Variants in TSHR observed in about 807,000 individuals in gnomAD.
TSHR encodes thyroid stimulating hormone receptor, also known as thyrotropin receptor.
Under a neutral mutation model 64.1 loss-of-function variants are expected in TSHR, and 51 were observed. That is an observed-to-expected ratio of 0.80 (90% CI 0.64 to 1.01). TSHR has a LOEUF of 1.01. Among genes scored for constraint, TSHR ranks in the 50% least tolerant of loss-of-function variants. The pLI is 0.00. For missense variants in TSHR, 877 were observed against 942.8 expected (o/e 0.93, Z 0.91); for synonymous variants, 361 against 361.9 (o/e 1.00, Z 0.03).
Position 81,143,573 on chromosome 14 carries a change from C to T in TSHR, c.1515C>T (p.Ser505=), listed in dbSNP as rs774078708. 36 of 1,613,122 alleles carry T rather than the reference C, an allele frequency of 2.2e-5. No individual in the cohort carries two copies. Among genetic ancestry groups the T allele is most frequent in the East Asian group, 6.7e-5 (3 of 44,894 alleles). ...CTGGTTTCTTCACTGTCTTTGCAAG[C>T]GAGTTATCGGTGTATACGCTGACGG... is the stretch of plus-strand genomic sequence containing the variant. ...NTAGFFTVFA[S]ELSVYTLTVI... The change falls in exon 10 of 10, where the codon AGC becomes AGT. Residue 505 remains serine, a synonymous_variant. Transcript: ENST00000298171.
chr14:81,083,586 T>C (rs1396395253), intron 3 of TSHR, among the ~76,000 whole-genome samples: 2 of 152,184 alleles, frequency 1.3e-5, no homozygotes, highest in Non-Finnish European at 2.9e-5. Flanking sequence ...CTCCATAGTT[T>C]TGTCTGCAAA....
intron 8 of TSHR, among the ~76,000 whole-genome samples, chr14:81,113,266 A>C (rs1241740631): frequency 6.6e-6 from 1 of 152,242 alleles, no homozygotes; most frequent in Non-Finnish European, 1.5e-5. Context: ...ATGCTGATGG[A>C]TCGGATATAG....
chr14:80,966,586 A>T lies in TSHR; in HGVS notation c.170+10736A>T, dbSNP rs114439301. Among the ~76,000 whole-genome samples the T allele has an allele frequency of 5.7e-3, 866 of 152,310 alleles. 5 individuals carry two copies. The highest frequency in any genetic ancestry group is 0.018 in the African/African-American group (765 of 41,570). ...TCATAACAGGAGAAAATAGCAAAAA[A>T]AAAAATAAAAATTTAAAAATTTAAA... On this transcript the variant is annotated intron_variant, in intron 1 of 9. Coordinates refer to ENST00000298171, the MANE Select transcript of TSHR (RefSeq NM_000369.5).
rs908008966 is a variant in TSHR, at chr14:81,068,531, G to T, written c.317+203G>T. ...CTCAATTCCATGGTTGGAAGTTAAA[G>T]ACAACATTAAAAGTTCTGTTCTTGA... On this transcript the variant is annotated intron_variant, in intron 3 of 9. Transcript: ENST00000298171. 1.8e-5 allele frequency: 10 copies of T among 559,238 alleles called. No individual in the cohort carries two copies. In the African/African-American group the frequency reaches 1.9e-4, roughly 11 times the overall value. The allele number at this position is 559,238 out of a possible 1,614,324, so 34.6% of individuals were successfully genotyped here.
rs183963997 is a variant in TSHR, at chr14:81,114,202, C to T, written c.692+5750C>T. 4.4e-3 allele frequency among the ~76,000 whole-genome samples: 676 copies of T among 151,994 alleles called. 5 individuals carry two copies. Among genetic ancestry groups the T allele is most frequent in the African/African-American group, 0.015 (640 of 41,456 alleles). On this transcript the variant is annotated intron_variant, in intron 8 of 9. Coordinates refer to ENST00000298171, the MANE Select transcript of TSHR (RefSeq NM_000369.5). Reference sequence around the variant, plus strand: ...CAAGATGGCCGAATAGGAACAGCTCCGGTCTACAGCTCCCAGCGTCAGCGA... The same window carrying T: ...CAAGATGGCCGAATAGGAACAGCTCTGGTCTACAGCTCCCAGCGTCAGCGA...
chr14:81,071,582 AG>A (rs1887071244), intron 3 of TSHR, among the ~76,000 whole-genome samples: 1 of 152,100 alleles, frequency 6.6e-6, no homozygotes, highest in Admixed American at 6.6e-5. Context: ...TGGACAACAT[AG>A]TGAGATCTTG....
chr14:81,134,992 G>A (rs1023966678), intron 8 of TSHR, among the ~76,000 whole-genome samples: 14 of 152,142 alleles, frequency 9.2e-5, no homozygotes, highest in African/African-American at 2.9e-4. Flanking sequence ...ATAAGAATTT[G>A]AATGGGGTCA....
chr14:80,963,889 C>T (rs1378097610), intron 1 of TSHR, among the ~76,000 whole-genome samples: 2 of 152,184 alleles, frequency 1.3e-5, no homozygotes. Flanking sequence ...ATGTCTTGAA[C>T]CCCATTACAT....
intron 1 of TSHR, chr14:80,957,863 A>G (rs983155685): frequency 6.6e-6 from 1 of 152,228 alleles, no homozygotes; most frequent in African/African-American, 2.4e-5. Context: ...TGCTGATGAG[A>G]ATAGTCTGAG....
intron 1 of TSHR, among the ~76,000 whole-genome samples, chr14:81,046,118 C>T (rs1885157280): frequency 6.6e-6 from 1 of 152,138 alleles, no homozygotes; most frequent in African/African-American, 2.4e-5. Flanking sequence ...AAAGCCAGCC[C>T]AGATTCCCAA....
chr14:81,141,636 C>A (rs1172787481), intron 9 of TSHR, among the ~76,000 whole-genome samples: 1 of 152,160 alleles, frequency 6.6e-6, no homozygotes, highest in African/African-American at 2.4e-5. Flanking sequence ...TGGCCGGGGG[C>A]AGTGGCTCAC....
intron 8 of TSHR, among the ~76,000 whole-genome samples, chr14:81,135,283 C>T (rs1212398385): frequency 2.0e-5 from 3 of 152,134 alleles, no homozygotes; most frequent in African/African-American, 4.8e-5. Context: ...GAAATAGTCT[C>T]CTAAGAAGCT....
chr14:81,010,998 A>G (rs993524613), intron 1 of TSHR, among the ~76,000 whole-genome samples: 1 of 152,160 alleles, frequency 6.6e-6, no homozygotes, highest in Admixed American at 6.5e-5. Flanking sequence ...TAGCTACCAG[A>G]AAAACTTCTC....
chr14:81,011,837 C>T (rs1038980659), intron 1 of TSHR, among the ~76,000 whole-genome samples: 16 of 151,756 alleles, frequency 1.1e-4, no homozygotes, highest in Middle Eastern at 6.8e-3. Context: ...TCCAGACTGG[C>T]GACAGAGGGA....
At chr14:81,108,728 G>T (rs778382774) in intron 8 of TSHR, 8 of 1,612,876 alleles carry the variant, frequency 5.0e-6, no homozygotes. Context: ...CAGAGGCTCT[G>T]TTCATGGAGC....
intron 8 of TSHR, among the ~76,000 whole-genome samples, chr14:81,138,932 G>C (rs546325041): frequency 6.6e-6 from 1 of 152,276 alleles, no homozygotes; most frequent in South Asian, 2.1e-4. Context: ...TCAGAAAAGA[G>C]CAGAGAATGC....
chr14:81,110,214 A>G (rs1457167654), intron 8 of TSHR, among the ~76,000 whole-genome samples: 3 of 152,362 alleles, frequency 2.0e-5, no homozygotes, highest in African/African-American at 2.4e-5. Context: ...GTCTTCCTAA[A>G]TTCAAATGCT....
intron 8 of TSHR, among the ~76,000 whole-genome samples, chr14:81,116,367 C>G (rs1197406891): frequency 8.1e-6 from 1 of 123,062 alleles, no homozygotes; most frequent in African/African-American, 3.2e-5. Context: ...CAAAAAAAGG[C>G]AGGGGTTGCA....
intron 3 of TSHR, among the ~76,000 whole-genome samples, chr14:81,077,675 C>G (rs914729110): frequency 6.6e-6 from 1 of 152,142 alleles, no homozygotes; most frequent in Non-Finnish European, 1.5e-5. Flanking sequence ...GTGTTTAATC[C>G]ATGACATTTA....
Sources: gnomAD v4.1 joint callset for allele counts (sites outside exome capture counted in the v4.1 genomes callset) on GRCh38, gnomAD v4.1.1 for gene constraint, MANE v1.5 for transcripts, NCBI Gene and HGNC (gene_info 2026-07-23, HGNC 2026-07-21) for gene names.